The following RARB variants were observed in gnomAD, a reference collection of about 807,000 sequenced individuals.
RARB encodes retinoic acid receptor beta.
RARB carries 17 observed loss-of-function variants against 51.9 expected under a neutral mutation model. The observed-to-expected ratio is 0.33, with a 90% CI of 0.22 to 0.49. RARB has a LOEUF of 0.49. Among genes scored for constraint, RARB ranks in the 20% least tolerant of loss-of-function variants. The pLI, the probability that RARB is intolerant of heterozygous loss-of-function variation, is 0.99. For missense variants in RARB, 369 were observed against 550.8 expected (o/e 0.67, Z 3.30); for synonymous variants, 215 against 195.4 (o/e 1.10, Z -0.84).
intron 2 of RARB, among the ~76,000 whole-genome samples, chr3:24,888,694 A>G (rs533071905): frequency 6.6e-6 from 1 of 152,288 alleles, no homozygotes; most frequent in South Asian, 2.1e-4. Flanking sequence ...GATGGAAAAT[A>G]AAGGCTGTGC....
At chr3:25,134,384 G>T (rs1224801177) in intron 4 of RARB, among the ~76,000 whole-genome samples, 1 of 151,850 alleles carries the variant, frequency 6.6e-6, no homozygotes, top group Non-Finnish European at 1.5e-5. Context: ...AGGTTTTGCT[G>T]TTTATTAGCT....
intron 5 of RARB, among the ~76,000 whole-genome samples, chr3:25,199,303 G>A (rs983197627): frequency 1.3e-5 from 2 of 151,928 alleles, no homozygotes; most frequent in African/African-American, 4.8e-5. Context: ...GGCTGGGAAA[G>A]GTCGTTGAAG....
intron 5 of RARB, among the ~76,000 whole-genome samples, chr3:25,234,925 G>A (rs6765179): frequency 0.3 from 45,890 of 151,962 alleles, 7,152 homozygotes; most frequent in African/African-American, 0.32. Flanking sequence ...ACATCAACAC[G>A]ATTTTATGAC....
At chr3:25,584,242 G>T (rs1324537965) in intron 5 of RARB, among the ~76,000 whole-genome samples, 1 of 152,116 alleles carries the variant, frequency 6.6e-6, no homozygotes, top group Admixed American at 6.6e-5. Flanking sequence ...CTCTGAGGAG[G>T]CAGCAGAGGG....
chr3:24,928,795 G>A (rs1468027174), intron 2 of RARB, among the ~76,000 whole-genome samples: 2 of 151,954 alleles, frequency 1.3e-5, no homozygotes, highest in Non-Finnish European at 2.9e-5. Flanking sequence ...TCCACTTAGA[G>A]GTTCTCTCTT....
intron 2 of RARB, among the ~76,000 whole-genome samples, chr3:25,464,698 T>G (rs1317934295): frequency 2.0e-5 from 3 of 152,098 alleles, no homozygotes; most frequent in African/African-American, 7.2e-5. Flanking sequence ...TTAAAAAAAT[T>G]ATCAATACAG....
At chr3:25,243,311 G>A (rs1293641848) in intron 5 of RARB, among the ~76,000 whole-genome samples, 1 of 152,086 alleles carries the variant, frequency 6.6e-6, no homozygotes, top group African/African-American at 2.4e-5. Flanking sequence ...TCTTCCTCTT[G>A]CCTGATTGCC....
chr3:25,185,835 T>C (rs1273723593), intron 5 of RARB, among the ~76,000 whole-genome samples: 1 of 152,152 alleles, frequency 6.6e-6, no homozygotes, highest in Admixed American at 6.6e-5. Context: ...AAAGAATTCG[T>C]ATGCCACTAT....
intron 3 of RARB, among the ~76,000 whole-genome samples, chr3:25,506,231 C>T (rs991829086): frequency 7.6e-5 from 9 of 118,722 alleles, no homozygotes; most frequent in Admixed American, 3.4e-4. Context: ...CCAGCCTGGG[C>T]GACAGGGTGA....
intron 4 of RARB, among the ~76,000 whole-genome samples, chr3:25,142,730 C>A (rs557855664): frequency 2.1e-4 from 32 of 152,172 alleles, no homozygotes; most frequent in Non-Finnish European, 4.4e-4. Context: ...TGCTGCCTCC[C>A]AGAAAGCCTC....
At chr3:25,544,276 A>G (rs148058592) in intron 3 of RARB, among the ~76,000 whole-genome samples, 5 of 152,350 alleles carry the variant, frequency 3.3e-5, no homozygotes, top group African/African-American at 1.2e-4. Flanking sequence ...GAGGACATAG[A>G]TAATTAAGAT....
chr3:25,194,648 T>G (rs1387487482), intron 5 of RARB, among the ~76,000 whole-genome samples: 1 of 151,588 alleles, frequency 6.6e-6, no homozygotes, highest in African/African-American at 2.4e-5. Context: ...CAAGGTCTTT[T>G]TTTTTTTAAT....
At chr3:25,334,603 C>T (rs904845184) in intron 5 of RARB, among the ~76,000 whole-genome samples, 1 of 152,086 alleles carries the variant, frequency 6.6e-6, no homozygotes, top group African/African-American at 2.4e-5. Flanking sequence ...GGATGCAGCA[C>T]ACCAACGTGG....
chr3:25,191,724 C>G (rs1414420135), intron 5 of RARB, among the ~76,000 whole-genome samples: 1 of 152,074 alleles, frequency 6.6e-6, no homozygotes, highest in Admixed American at 6.6e-5. Context: ...ACCTCCCAAA[C>G]CAGAAATTCT....
intron 2 of RARB, among the ~76,000 whole-genome samples, chr3:24,859,542 C>T (rs568134159): frequency 4.3e-4 from 65 of 152,304 alleles, no homozygotes; most frequent in Non-Finnish European, 7.5e-4. Flanking sequence ...TCTGGTGTTT[C>T]TAAATGTGGT....
chr3:25,142,958 A>G (rs1472904825), intron 4 of RARB, among the ~76,000 whole-genome samples: 1 of 152,190 alleles, frequency 6.6e-6, no homozygotes, highest in East Asian at 1.9e-4. Flanking sequence ...TACATATTAT[A>G]TTTAAAAAAA....
intron 2 of RARB, among the ~76,000 whole-genome samples, chr3:24,900,489 A>G (rs1703580420): frequency 6.6e-6 from 1 of 152,200 alleles, no homozygotes; most frequent in Admixed American, 6.5e-5. Context: ...GTATTGCTGG[A>G]GCAAAGAATA....
intron 2 of RARB, among the ~76,000 whole-genome samples, chr3:24,864,438 G>A (rs1281290813): frequency 6.6e-6 from 1 of 152,126 alleles, no homozygotes; most frequent in Admixed American, 6.6e-5. Context: ...TGTTGCTGGG[G>A]CAATGTTGTT....
chr3:25,428,147 A>T, upstream of RARB: 1 of 1,022,876 alleles, frequency 9.8e-7, no homozygotes, highest in Non-Finnish European at 1.2e-6. Flanking sequence ...AAGCTCTGTG[A>T]GAATCCTGGG....
Sources: allele counts gnomAD v4.1 joint callset (sites outside exome capture counted in the v4.1 genomes callset), GRCh38; gene constraint gnomAD v4.1.1; transcripts MANE v1.5; gene names NCBI Gene and HGNC (gene_info 2026-07-23, HGNC 2026-07-21).